Variants in TASP1 observed in about 807,000 individuals in gnomAD.
TASP1 encodes threonine aspartase 1.
A neutral mutation model predicts 56.6 loss-of-function variants in TASP1; 16 were observed. The observed-to-expected ratio is 0.28, with a 90% confidence interval of 0.19 to 0.43. TASP1 has a LOEUF of 0.43. TASP1 is among the 20% of genes least tolerant of loss of function. The pLI is 1.00. For missense variants in TASP1, 393 were observed against 511.6 expected, an observed-to-expected ratio of 0.77 and a Z score of 2.24; for synonymous variants, 179 against 184.2, an observed-to-expected ratio of 0.97 and a Z score of 0.23.
At chr20:13,466,716 G>A (rs1306546619) in intron 11 of TASP1, among the ~76,000 whole-genome samples, 1 of 152,106 alleles carries the variant, frequency 6.6e-6, no homozygotes, top group East Asian at 1.9e-4. Context: ...ACTCCAGCCT[G>A]GGCGACAAAG....
chr20:13,572,745 C>T (rs2046764421), intron 6 of TASP1, among the ~76,000 whole-genome samples: 1 of 148,432 alleles, frequency 6.7e-6, no homozygotes, highest in Non-Finnish European at 1.5e-5. Context: ...AGAGAAAACA[C>T]CCTGAAACGG....
chr20:13,306,564 C>CAAAAAAAAAAAA, the TASP1 span, among the ~76,000 whole-genome samples: 13 of 63,914 alleles, frequency 2.0e-4, no homozygotes, highest in African/African-American at 5.1e-4. Flanking sequence ...GGAGAAAGGA[C>CAAAAAAAAAAAA]AAAAAAAAAA....
intron 11 of TASP1, among the ~76,000 whole-genome samples, chr20:13,468,229 C>A (rs570491805): frequency 1.3e-5 from 2 of 152,008 alleles, no homozygotes; most frequent in Admixed American, 1.3e-4. Flanking sequence ...TCTGAGCTTA[C>A]CCAATTTGAA....
At position 13,447,941 on chromosome 20, in the gene TASP1, T is replaced by C. The variant is rs137998223; in HGVS notation, c.986-12787A>G. 3.2e-3 allele frequency among the ~76,000 whole-genome samples: 484 copies of C among 152,256 alleles called. 5 individuals are homozygous for C. The highest frequency in any genetic ancestry group is 0.014 in the East Asian group (75 of 5,186). ...GTCATATATTTGTTAATTTTGTCTA[T>C]GATCTTTTTTGTAATACAGAAGTTT... On this transcript the variant is annotated intron_variant, in intron 11 of 13. Coordinates refer to ENST00000337743, the MANE Select transcript of TASP1 (RefSeq NM_017714.3).
At chr20:13,117,465 A>G in the TASP1 span, 1 of 1,517,900 alleles carries the variant, frequency 6.6e-7, no homozygotes, top group Non-Finnish European at 8.9e-7. Context: ...GCTTCCCAGG[A>G]GGGTATTTGT....
At chr20:13,110,255 C>A in the TASP1 span, 3 of 1,566,040 alleles carry the variant, frequency 1.9e-6, no homozygotes, top group East Asian at 2.2e-5. Flanking sequence ...GACTCGGAGG[C>A]CTGCAGCAAG....
intron 2 of TASP1, among the ~76,000 whole-genome samples, chr20:13,626,553 CAAGGTAGAGA>C (rs2048897356): frequency 6.6e-6 from 1 of 152,166 alleles, no homozygotes; most frequent in Admixed American, 6.5e-5. Flanking sequence ...TACCTTTCCT[CAAGGTAGAGA>C]AAGCACTCAC....
the TASP1 span, among the ~76,000 whole-genome samples, chr20:13,188,320 AC>A: frequency 2.0e-5 from 3 of 152,286 alleles, no homozygotes; most frequent in South Asian, 4.1e-4. Context: ...AAATTCCTAA[AC>A]TAATAAATAA....
chr20:13,462,998 T>C (rs2044113528), intron 11 of TASP1, among the ~76,000 whole-genome samples: 1 of 152,106 alleles, frequency 6.6e-6, no homozygotes, highest in South Asian at 2.1e-4. Flanking sequence ...AGTGGCAATT[T>C]TGGCAGAAAT....
intron 4 of TASP1, among the ~76,000 whole-genome samples, chr20:13,590,737 T>A (rs139176548): frequency 0.034 from 5,126 of 151,730 alleles, 269 homozygotes; most frequent in African/African-American, 0.12. Flanking sequence ...ATGGTGGTGC[T>A]CACCTGTAAT....
chr20:13,381,739 AGTC>A, the TASP1 span, among the ~76,000 whole-genome samples: 1 of 152,142 alleles, frequency 6.6e-6, no homozygotes, highest in Non-Finnish European at 1.5e-5. Context: ...CTTTTCTTAT[AGTC>A]TGCCTCTCCC....
chr20:13,512,996 T>C (rs1221207373), intron 10 of TASP1, among the ~76,000 whole-genome samples: 2 of 152,202 alleles, frequency 1.3e-5, no homozygotes, highest in Non-Finnish European at 2.9e-5. Context: ...GCTGTTTTGG[T>C]TACTGTAGCC....
chr20:13,230,701 A>C, the TASP1 span, among the ~76,000 whole-genome samples: 1 of 151,870 alleles, frequency 6.6e-6, no homozygotes, highest in East Asian at 1.9e-4. Flanking sequence ...TAGTGCCCAG[A>C]TTATATGTAG....
chr20:13,234,773 A>G, the TASP1 span, among the ~76,000 whole-genome samples: 7 of 152,198 alleles, frequency 4.6e-5, no homozygotes, highest in African/African-American at 1.4e-4. Flanking sequence ...ATGCCTGTTC[A>G]TGTCCTTTGT....
intron 6 of TASP1, among the ~76,000 whole-genome samples, chr20:13,577,687 C>T (rs2046972589): frequency 2.6e-5 from 4 of 152,170 alleles, no homozygotes; most frequent in South Asian, 4.1e-4. Flanking sequence ...AAGGAACGCT[C>T]ACCAGAAACC....
chr20:13,528,079 C>T (rs1601131296), intron 10 of TASP1, among the ~76,000 whole-genome samples: 1 of 151,550 alleles, frequency 6.6e-6, no homozygotes, highest in East Asian at 1.9e-4. Flanking sequence ...AAAAATCAGC[C>T]GGGTGTGGTG....
At chr20:13,284,388 A>G in the TASP1 span, among the ~76,000 whole-genome samples, 1 of 152,172 alleles carries the variant, frequency 6.6e-6, no homozygotes, top group South Asian at 2.1e-4. Flanking sequence ...TCCTTGAGTT[A>G]TTTGATGTCA....
At chr20:13,254,212 G>A in the TASP1 span, among the ~76,000 whole-genome samples, 14 of 151,590 alleles carry the variant, frequency 9.2e-5, no homozygotes, top group Non-Finnish European at 1.5e-4. Flanking sequence ...CAGCCTGGGC[G>A]ACAGAGCAAA....
At chr20:13,632,842 CA>C (rs1465246811) in intron 1 of TASP1, among the ~76,000 whole-genome samples, 2 of 151,472 alleles carry the variant, frequency 1.3e-5, no homozygotes, top group Non-Finnish European at 2.9e-5. Context: ...AAGACAAAAA[CA>C]AAAAAAGGGC....
Sources: gnomAD v4.1 joint callset for allele counts (sites outside exome capture counted in the v4.1 genomes callset) on GRCh38, gnomAD v4.1.1 for gene constraint, MANE v1.5 for transcripts, NCBI Gene and HGNC (gene_info 2026-07-23, HGNC 2026-07-21) for gene names.